DYNC1I1: variants seen among roughly 807,000 people sequenced by gnomAD.
DYNC1I1 encodes the protein dynein cytoplasmic 1 intermediate chain 1.
In DYNC1I1, 43 loss-of-function variants were observed where a neutral mutation model predicts 86.6. That is an observed-to-expected ratio of 0.50 (90% confidence interval 0.39 to 0.64). DYNC1I1 has a LOEUF of 0.64. Ranked by LOEUF, DYNC1I1 falls within the 30% of genes least tolerant of loss-of-function variation. The pLI, the probability that DYNC1I1 is intolerant of heterozygous loss-of-function variation, is 0.00. For missense variants in DYNC1I1, 604 were observed against 788.8 expected (o/e 0.77, Z 2.81); for synonymous variants, 262 against 283.7 (o/e 0.92, Z 0.77).
intron 6 of DYNC1I1, among the ~76,000 whole-genome samples, chr7:95,952,549 T>C (rs1792588371): frequency 6.6e-6 from 1 of 152,166 alleles, no homozygotes; most frequent in Admixed American, 6.5e-5. Flanking sequence ...CTCTTTTTAC[T>C]TCCTGACCTG....
chr7:95,873,069 A>G (rs1367798614), intron 6 of DYNC1I1, among the ~76,000 whole-genome samples: 1 of 152,190 alleles, frequency 6.6e-6, no homozygotes, highest in Admixed American at 6.5e-5. Flanking sequence ...GGAAAGATGC[A>G]AGCCACACTG....
chr7:95,977,006 C>A (rs1562961232), intron 6 of DYNC1I1, among the ~76,000 whole-genome samples: 1 of 152,150 alleles, frequency 6.6e-6, no homozygotes, highest in South Asian at 2.1e-4. Context: ...ACTTTGGGGG[C>A]CCTTCCCTTG....
At chr7:96,022,957 C>T (rs766995899) in intron 10 of DYNC1I1, among the ~76,000 whole-genome samples, 4 of 152,070 alleles carry the variant, frequency 2.6e-5, no homozygotes, top group African/African-American at 7.2e-5. Context: ...TGACTCATGT[C>T]GTCTTGACCA....
At chr7:95,968,421 G>A (rs1476908910) in intron 6 of DYNC1I1, among the ~76,000 whole-genome samples, 1 of 152,082 alleles carries the variant, frequency 6.6e-6, no homozygotes, top group Non-Finnish European at 1.5e-5. Flanking sequence ...CTGTCCTTAG[G>A]AACAATTTCC....
chr7:96,006,719 A>G (rs1794151817), intron 10 of DYNC1I1, among the ~76,000 whole-genome samples: 1 of 152,214 alleles, frequency 6.6e-6, no homozygotes, highest in Admixed American at 6.5e-5. Flanking sequence ...AAATCATCAC[A>G]GTCTCCAAAC....
At chr7:96,071,565 A>C (rs73399071) in intron 14 of DYNC1I1, among the ~76,000 whole-genome samples, 11,657 of 152,248 alleles carry the variant, frequency 0.077, 784 homozygotes, top group African/African-American at 0.18. Context: ...GTGAACTGAA[A>C]CAGGTCTTTA....
chr7:95,801,871 A>C (rs2115779781), intron 1 of DYNC1I1, among the ~76,000 whole-genome samples: 1 of 152,290 alleles, frequency 6.6e-6, no homozygotes, highest in Non-Finnish European at 1.5e-5. Flanking sequence ...GGAAAGAAAA[A>C]GATCAGAAGA....
At position 95,977,579 on chromosome 7, in the gene DYNC1I1, C is replaced by T. The variant is rs753670141; in HGVS notation, c.558C>T (p.Asp186=). The T allele has an allele frequency of 1.2e-6, 2 of 1,609,478 alleles. No individual in the cohort carries two copies. Among genetic ancestry groups the T allele is most frequent in the Non-Finnish European group, 8.5e-7 (1 of 1,177,946 alleles). Residue 186 remains aspartate (D), a synonymous_variant, in exon 7 of 17, where the codon GAC becomes GAT. Coordinates refer to ENST00000447467, the MANE Select transcript of DYNC1I1 (RefSeq NM_001135556.2). ...VGQDSELENQ[D]KKQEVKEAPP... ...AGGACTCAGAACTGGAAAATCAGGACAAAAAACAGGAAGTGAAGGAAGGTA... is the reference window on the plus strand; with the variant it reads ...AGGACTCAGAACTGGAAAATCAGGATAAAAAACAGGAAGTGAAGGAAGGTA...
intron 5 of DYNC1I1, among the ~76,000 whole-genome samples, chr7:95,845,724 A>G (rs900177247): frequency 4.6e-5 from 7 of 152,216 alleles, no homozygotes; most frequent in Non-Finnish European, 8.8e-5. Flanking sequence ...ATCTATAAAT[A>G]TAGATTTATA....
intron 1 of DYNC1I1, among the ~76,000 whole-genome samples, chr7:95,785,209 C>T (rs1202733857): frequency 1.3e-5 from 2 of 151,934 alleles, no homozygotes; most frequent in Non-Finnish European, 2.9e-5. Context: ...TTCAGGAGTT[C>T]GAGACCAGCC....
At chr7:95,893,476 T>A (rs1790798521) in intron 6 of DYNC1I1, among the ~76,000 whole-genome samples, 1 of 152,200 alleles carries the variant, frequency 6.6e-6, no homozygotes, top group South Asian at 2.1e-4. Context: ...CTTTTTTAAA[T>A]ATCTAAAAAT....
chr7:95,869,783 T>G, intron 5 of DYNC1I1, 100 bp from the exon 6 acceptor site: 5 of 1,101,102 alleles, frequency 4.5e-6, no homozygotes, highest in Non-Finnish European at 6.7e-6. Flanking sequence ...AAGCTGAGGG[T>G]ATTTGTGGTT....
At chr7:95,844,728 A>G (rs752599068) in intron 5 of DYNC1I1, among the ~76,000 whole-genome samples, 9 of 151,916 alleles carry the variant, frequency 5.9e-5, no homozygotes, top group Non-Finnish European at 8.8e-5. Flanking sequence ...CCAAGAGTCC[A>G]GGGTCTGGGT....
chr7:95,921,776 T>C (rs1791616945), intron 6 of DYNC1I1, among the ~76,000 whole-genome samples: 1 of 152,214 alleles, frequency 6.6e-6, no homozygotes. Context: ...CTGTGCAATA[T>C]GGTTGTGAGC....
At chr7:95,849,716 C>T (rs1789527402) in intron 5 of DYNC1I1, among the ~76,000 whole-genome samples, 2 of 152,044 alleles carry the variant, frequency 1.3e-5, no homozygotes, top group African/African-American at 4.8e-5. Context: ...TTTGTGGTTT[C>T]ATATGAATTT....
chr7:96,046,056 A>T (rs1036993526), intron 14 of DYNC1I1, among the ~76,000 whole-genome samples: 1 of 152,136 alleles, frequency 6.6e-6, no homozygotes, highest in African/African-American at 2.4e-5. Context: ...TTCATCATTA[A>T]CCACTGTCAG....
At chr7:95,978,707 ACT>A (rs1793373038) in intron 7 of DYNC1I1, among the ~76,000 whole-genome samples, 1 of 152,330 alleles carries the variant, frequency 6.6e-6, no homozygotes, top group East Asian at 1.9e-4. Flanking sequence ...GATCCCAAGT[ACT>A]CACTTCAACA....
At chr7:96,068,378 C>T (rs143478078) in intron 14 of DYNC1I1, among the ~76,000 whole-genome samples, 10 of 152,254 alleles carry the variant, frequency 6.6e-5, no homozygotes, top group African/African-American at 2.2e-4. Flanking sequence ...AATATCTGTA[C>T]TCATATTAAA....
intron 6 of DYNC1I1, among the ~76,000 whole-genome samples, chr7:95,880,449 G>A (rs1790422919): frequency 6.6e-6 from 1 of 151,986 alleles, no homozygotes; most frequent in African/African-American, 2.4e-5. Context: ...TTTTTCCTGG[G>A]GGAGCCAGCA....
Sources: gnomAD v4.1 joint callset for allele counts (sites outside exome capture counted in the v4.1 genomes callset) on GRCh38, gnomAD v4.1.1 for gene constraint, MANE v1.5 for transcripts, NCBI Gene and HGNC (gene_info 2026-07-23, HGNC 2026-07-21) for gene names.